The following PTPN2 variants were observed in gnomAD, a reference collection of about 807,000 sequenced individuals.
PTPN2 encodes the protein tyrosine-protein phosphatase non-receptor type 2.
PTPN2 carries 19 observed loss-of-function variants against 57.3 expected under a neutral mutation model. That is an observed-to-expected ratio of 0.33 (90% CI 0.23 to 0.49). PTPN2 has a LOEUF of 0.49. PTPN2 is among the 20% of genes least tolerant of loss of function. The pLI is 0.99. For missense variants in PTPN2, 358 were observed against 501.1 expected (o/e 0.71, Z 2.73); for synonymous variants, 153 against 164.9 (o/e 0.93, Z 0.55).
chr18:12,818,289 C>T (rs1252797257), intron 5 of PTPN2, among the ~76,000 whole-genome samples: 3 of 152,162 alleles, frequency 2.0e-5, no homozygotes. Flanking sequence ...AGGGGAGCAA[C>T]TCAAGAATTA....
At chr18:12,872,257 A>T (rs1474583836) in intron 1 of PTPN2, 1 of 152,184 alleles carries the variant, frequency 6.6e-6, no homozygotes, top group African/African-American at 2.4e-5. Context: ...TCCTAGAAGT[A>T]CTATGAAGTA....
intron 7 of PTPN2, among the ~76,000 whole-genome samples, chr18:12,813,897 G>GTATC (rs1380615626): frequency 6.6e-6 from 1 of 152,176 alleles, no homozygotes; most frequent in East Asian, 1.9e-4. Flanking sequence ...GAAGGCAAAA[G>GTATC]TATCTCAAGT....
chr18:12,811,695 CCT>C (rs1470379836), intron 7 of PTPN2, among the ~76,000 whole-genome samples: 1 of 152,184 alleles, frequency 6.6e-6, no homozygotes, highest in African/African-American at 2.4e-5. Flanking sequence ...CTCTGTCCTC[CCT>C]GTGACACACA....
intron 2 of PTPN2, among the ~76,000 whole-genome samples, chr18:12,847,885 C>T (rs1180836529): frequency 6.8e-6 from 1 of 147,948 alleles, no homozygotes; most frequent in African/African-American, 2.5e-5. Context: ...AGGCATAAGC[C>T]ACTGCACTAG....
chr18:12,803,063 C>T (rs145155088), intron 7 of PTPN2, among the ~76,000 whole-genome samples: 82 of 152,064 alleles, frequency 5.4e-4, no homozygotes, highest in Non-Finnish European at 9.3e-4. Context: ...TTGTTAAGGA[C>T]CACACAATAT....
Position 12,802,284 on chromosome 18 carries a change from G to T in PTPN2, c.859-133C>A, listed in dbSNP as rs141621155. Reference sequence around the variant, plus strand: ...ATGATGCTAAAAGATGAGTGAAAAAGAAAAAGGCATTTTGCCATACTGTAG... The same window carrying T: ...ATGATGCTAAAAGATGAGTGAAAAATAAAAAGGCATTTTGCCATACTGTAG... On this transcript the variant is annotated intron_variant, in intron 7 of 8. Coordinates refer to ENST00000309660, the MANE Select transcript of PTPN2 (RefSeq NM_002828.4). 9.7e-6 allele frequency: 7 copies of T among 722,736 alleles called. No individual in the cohort carries two copies. The East Asian group carries it at 2.0e-4, about 21-fold the overall frequency. The allele number at this position is 722,736 out of a possible 1,614,324, so 44.8% of individuals were successfully genotyped here. A position where few individuals can be genotyped will look rare whatever the true frequency, so the allele number is the denominator to read the frequency against.
chr18:12,880,181 G>A (rs1568180546), intron 1 of PTPN2, among the ~76,000 whole-genome samples: 1 of 152,188 alleles, frequency 6.6e-6, no homozygotes, highest in African/African-American at 2.4e-5. Context: ...GAGAAGGGGG[G>A]AAAGTTGTGC....
At chr18:12,818,037 G>A (rs2042138050) in intron 5 of PTPN2, among the ~76,000 whole-genome samples, 1 of 152,174 alleles carries the variant, frequency 6.6e-6, no homozygotes, top group Non-Finnish European at 1.5e-5. Context: ...AGCTACTTGG[G>A]AGGCTGAGGC....
At chr18:12,853,156 TA>T (rs973044034) in intron 2 of PTPN2, among the ~76,000 whole-genome samples, 1 of 152,204 alleles carries the variant, frequency 6.6e-6, no homozygotes, top group African/African-American at 2.4e-5. Flanking sequence ...GAAATGCATT[TA>T]AAAAATTTTT....
rs151258751 is a variant in PTPN2 at position 12,844,509 on chromosome 18, G to A, written c.161-7618C>T. ...CATCCCACCACCATGATTTTAATTT[G>A]CATTTTCCTAATGGCTAATGAAGTT... On this transcript the variant is annotated intron_variant, in intron 2 of 8. Transcript: ENST00000309660. Among the ~76,000 whole-genome samples, 150 of 152,238 alleles carry A rather than the reference G, an allele frequency of 9.9e-4. 1 individual carries two copies. The highest frequency in any genetic ancestry group is 1.3e-3 in the Non-Finnish European group (90 of 67,998).
At chr18:12,861,467 C>T (rs2043806336) in intron 1 of PTPN2, among the ~76,000 whole-genome samples, 1 of 152,196 alleles carries the variant, frequency 6.6e-6, no homozygotes, top group African/African-American at 2.4e-5. Flanking sequence ...ATTTTAGTTA[C>T]TACAGCTTTG....
rs1291106111 is a variant in PTPN2, at chr18:12,859,212, T to G, written c.112A>C (p.Lys38Gln). 2 of 1,613,566 alleles carry G rather than the reference T, an allele frequency of 1.2e-6. No homozygotes were observed. Among genetic ancestry groups the G allele is most frequent in the Non-Finnish European group, 1.7e-6 (2 of 1,179,578 alleles). Residue 38 changes from lysine to glutamine, a missense_variant, in exon 2 of 9, where the codon AAG becomes CAG. Transcript: ENST00000309660. Reference protein sequence around the residue: ...ESHDYPHRVAKFPENRNRNRY... With the variant: ...ESHDYPHRVAQFPENRNRNRY... Reference sequence around the variant, plus strand: ...TTTCGATTTCTGTTTTCTGGAAACTTGGCCACTCTATGAGGATAGTCATGG... The same window carrying G: ...TTTCGATTTCTGTTTTCTGGAAACTGGGCCACTCTATGAGGATAGTCATGG...
chr18:12,869,601 T>C (rs2044117085), intron 1 of PTPN2, among the ~76,000 whole-genome samples: 2 of 152,236 alleles, frequency 1.3e-5, no homozygotes, highest in African/African-American at 4.8e-5. Flanking sequence ...ATGTATGGCA[T>C]ACAGAAAACA....
chr18:12,845,545 A>C (rs983244172), intron 2 of PTPN2, among the ~76,000 whole-genome samples: 6 of 152,156 alleles, frequency 3.9e-5, no homozygotes, highest in African/African-American at 1.4e-4. Flanking sequence ...TGTATCCCAC[A>C]ACCTCGTTTA....
At chr18:12,819,293 T>TA (rs2042190645) in intron 5 of PTPN2, 1 of 1,321,136 alleles carries the variant, frequency 7.6e-7, no homozygotes, top group East Asian at 2.6e-5. Context: ...CTAAAAGCAA[T>TA]AAAAAATTTC....
At chr18:12,842,121 G>T (rs1195291451) in intron 2 of PTPN2, among the ~76,000 whole-genome samples, 1 of 152,092 alleles carries the variant, frequency 6.6e-6, no homozygotes, top group East Asian at 1.9e-4. Context: ...GGTCAGGCTG[G>T]TCTTGAACTC....
chr18:12,788,611 T>C (rs1442335460), downstream of PTPN2, among the ~76,000 whole-genome samples: 4 of 151,660 alleles, frequency 2.6e-5, no homozygotes, highest in Admixed American at 2.6e-4. Flanking sequence ...TGTCAGACTG[T>C]TACCCTTTAG....
intron 1 of PTPN2, among the ~76,000 whole-genome samples, chr18:12,866,568 G>A (rs544743276): frequency 3.3e-5 from 5 of 152,312 alleles, no homozygotes; most frequent in African/African-American, 1.2e-4. Context: ...TCAGGGGTTG[G>A]GATGTGGGTG....
At position 12,870,267 on chromosome 18, in the gene PTPN2, A is replaced by ATATGTGTGTG. The variant is rs1555679382; in HGVS notation, c.70-11014_70-11013insCACACACATA. On this transcript the variant is annotated intron_variant, in intron 1 of 8. Coordinates refer to ENST00000309660, the MANE Select transcript of PTPN2 (RefSeq NM_002828.4). ...CAGTACTTAACTTTAGCATATATATATATATGTATATATATACATATACAT... is the reference window on the plus strand; with the variant it reads ...CAGTACTTAACTTTAGCATATATATATATGTGTGTGTATATGTATATATATACATATACAT... Among the ~76,000 whole-genome samples, 10 of 96,352 alleles carry ATATGTGTGTG rather than the reference A, an allele frequency of 1.0e-4. 1 individual carries two copies. Among genetic ancestry groups the ATATGTGTGTG allele is most frequent in the African/African-American group, 5.9e-4 (10 of 16,862 alleles). The allele number at this position is 96,352 out of a possible 152,430, so 63.2% of individuals were successfully genotyped here. A position where few individuals can be genotyped will look rare whatever the true frequency, so the allele number is the denominator to read the frequency against.
Sources: gnomAD v4.1 joint callset for allele counts (sites outside exome capture counted in the v4.1 genomes callset) on GRCh38, gnomAD v4.1.1 for gene constraint, MANE v1.5 for transcripts, NCBI Gene and HGNC (gene_info 2026-07-23, HGNC 2026-07-21) for gene names.